The following SLCO1B3 variants were observed in gnomAD, a reference collection of about 807,000 sequenced individuals.
SLCO1B3 encodes liver-specific organic anion transporter 2.
Under a neutral mutation model 71.8 loss-of-function variants are expected in SLCO1B3, and 72 were observed. The observed-to-expected ratio is 1.00, with a 90% CI of 0.83 to 1.22. The LOEUF (loss-of-function observed/expected upper bound fraction) is 1.22, where lower values mean the gene tolerates loss of function less well. Among genes scored for constraint, SLCO1B3 ranks in the 50% most tolerant of loss-of-function variants. The pLI is 0.00. For synonymous variants in SLCO1B3, 298 were observed against 278.4 expected (o/e 1.07, Z -0.70); for missense variants, 911 against 819.7 (o/e 1.11, Z -1.36).
chr12:20,891,287 A>G (rs1439251092), intron 13 of SLCO1B3, among the ~76,000 whole-genome samples: 2 of 151,542 alleles, frequency 1.3e-5, no homozygotes, highest in Non-Finnish European at 2.9e-5. Flanking sequence ...GTCTTAGTTG[A>G]GCAGTATACA....
intron 11 of SLCO1B3, among the ~76,000 whole-genome samples, chr12:20,880,217 A>T (rs1865662933): frequency 6.6e-6 from 1 of 151,446 alleles, no homozygotes; most frequent in African/African-American, 2.4e-5. Context: ...TAATTATATT[A>T]TAAAGTAAAT....
At chr12:20,908,187 TTAAA>T (rs112836316) in intron 15 of SLCO1B3, among the ~76,000 whole-genome samples, 11,762 of 152,206 alleles carry the variant, frequency 0.077, 1,291 homozygotes, top group African/African-American at 0.24. Context: ...ACACTGAAAG[TTAAA>T]TAATTACCTT....
intron 1 of SLCO1B3, among the ~76,000 whole-genome samples, chr12:20,812,461 G>A (rs191195627): frequency 1.1e-4 from 16 of 152,222 alleles, no homozygotes; most frequent in South Asian, 8.3e-4. Flanking sequence ...ATTTGGAGCC[G>A]CATTACAGCC....
At chr12:20,909,172 T>C (rs1433247510) in intron 15 of SLCO1B3, among the ~76,000 whole-genome samples, 1 of 148,540 alleles carries the variant, frequency 6.7e-6, no homozygotes, top group Non-Finnish European at 1.5e-5. Flanking sequence ...TTTCTTTTTT[T>C]TTTTTTTTTT....
At chr12:20,811,656 G>A (rs1864112431) in intron 1 of SLCO1B3, among the ~76,000 whole-genome samples, 1 of 152,146 alleles carries the variant, frequency 6.6e-6, no homozygotes, top group African/African-American at 2.4e-5. Flanking sequence ...GTGAAGAACT[G>A]ACCTGTTCTG....
chr12:20,822,922 T>C lies in SLCO1B3; in HGVS notation c.84+7100T>C, dbSNP rs1449777656. On this transcript the variant is annotated intron_variant, in intron 3 of 15. Transcript: ENST00000381545. Reference sequence around the variant, plus strand: ...CCTGCCTTTTTCCTTTTAAAATCTTTTGAAGAAAGCATTTTAGAAGAAAAT... The same window carrying C: ...CCTGCCTTTTTCCTTTTAAAATCTTCTGAAGAAAGCATTTTAGAAGAAAAT... 2.6e-5 allele frequency among the ~76,000 whole-genome samples: 4 copies of C among 152,208 alleles called. No individual in the cohort carries two copies. In the East Asian group the frequency reaches 5.8e-4, roughly 22 times the overall value.
At chr12:20,856,721 G>A (rs542858960) in intron 4 of SLCO1B3, among the ~76,000 whole-genome samples, 3 of 152,178 alleles carry the variant, frequency 2.0e-5, no homozygotes, top group East Asian at 3.9e-4. Flanking sequence ...CACCACATCC[G>A]GCTAATTTTC....
intron 12 of SLCO1B3, among the ~76,000 whole-genome samples, chr12:20,882,820 C>T (rs1865718049): frequency 6.6e-6 from 1 of 152,196 alleles, no homozygotes; most frequent in Admixed American, 6.5e-5. Context: ...TAACCACATA[C>T]ACTGCCTGCC....
intron 8 of SLCO1B3, among the ~76,000 whole-genome samples, chr12:20,872,814 A>G (rs566447932): frequency 5.3e-5 from 8 of 152,138 alleles, no homozygotes; most frequent in South Asian, 4.2e-4. Flanking sequence ...TTTGCAATCT[A>G]TGCCTTAGAA....
chr12:20,834,273 A>T (rs963976066), intron 3 of SLCO1B3, among the ~76,000 whole-genome samples: 2 of 123,198 alleles, frequency 1.6e-5, no homozygotes, highest in South Asian at 6.3e-4. Context: ...CATAGTCTTC[A>T]TATACATGGA....
chr12:20,836,048 G>A (rs1072364), intron 3 of SLCO1B3, among the ~76,000 whole-genome samples: 111,826 of 152,086 alleles, frequency 0.74, 41,821 homozygotes, highest in South Asian at 0.84. Flanking sequence ...GCAGCAGGCA[G>A]AAGAGTGTGT....
At chr12:20,852,800 A>C (rs1414964916) in intron 3 of SLCO1B3, among the ~76,000 whole-genome samples, 2 of 152,104 alleles carry the variant, frequency 1.3e-5, no homozygotes, top group Admixed American at 6.5e-5. Flanking sequence ...AACTTTGCTA[A>C]ATGTGTTTAT....
At chr12:20,893,126 G>A (rs569054203) in intron 13 of SLCO1B3, among the ~76,000 whole-genome samples, 145 of 152,226 alleles carry the variant, frequency 9.5e-4, no homozygotes, top group Non-Finnish European at 1.7e-3. Context: ...TATATTAAAG[G>A]GAGTAAATTT....
At chr12:20,849,713 A>ACT (rs1487686178) in intron 3 of SLCO1B3, among the ~76,000 whole-genome samples, 1 of 57,890 alleles carries the variant, frequency 1.7e-5, no homozygotes, top group Non-Finnish European at 3.0e-5. Flanking sequence ...GTAGAAAATC[A>ACT]CACACACACA....
Position 20,858,563 on chromosome 12 carries a change from C to T in SLCO1B3, c.351C>T (p.Phe117=), listed in dbSNP as rs776144216. Residue 117 remains phenylalanine, a synonymous_variant, in exon 5 of 16, where the codon TTC becomes TTT. Transcript: ENST00000381545. ...TTTTGACATCTTTACCACATTTCTT[C>T]ATGGGATAGTAAGTGTTAAACAGCT... The part of the protein sequence containing the change: ...GSILTSLPHF[F]MGYYRYSKET... The T allele has an allele frequency of 9.3e-6, 15 of 1,606,174 alleles. No homozygotes were observed. The highest frequency in any genetic ancestry group is 2.7e-5 in the African/African-American group (2 of 74,786).
intron 3 of SLCO1B3, 79 bp from the exon 4 acceptor site, chr12:20,854,949 T>A: frequency 7.7e-7 from 1 of 1,306,556 alleles, no homozygotes; most frequent in Non-Finnish European, 1.1e-6. Context: ...GAAGAAAAAC[T>A]GTTTTAGTTC....
chr12:20,884,863 C>G (rs1865762558), intron 13 of SLCO1B3, among the ~76,000 whole-genome samples: 1 of 151,798 alleles, frequency 6.6e-6, no homozygotes, highest in South Asian at 2.1e-4. Flanking sequence ...GTTAAATTTT[C>G]ACCCTGCCTG....
At chr12:20,838,040 T>C (rs1864719315) in intron 3 of SLCO1B3, among the ~76,000 whole-genome samples, 1 of 152,102 alleles carries the variant, frequency 6.6e-6, no homozygotes, top group Non-Finnish European at 1.5e-5. Context: ...GAGTATTATA[T>C]CTTTTTTGAG....
intron 3 of SLCO1B3, among the ~76,000 whole-genome samples, chr12:20,848,075 G>C (rs1196157250): frequency 6.6e-6 from 1 of 152,032 alleles, no homozygotes; most frequent in Non-Finnish European, 1.5e-5. Context: ...AAACTATGGA[G>C]ACTAGTGAAT....
Sources: allele counts gnomAD v4.1 joint callset (sites outside exome capture counted in the v4.1 genomes callset), GRCh38; gene constraint gnomAD v4.1.1; transcripts MANE v1.5; gene names NCBI Gene and HGNC (gene_info 2026-07-23, HGNC 2026-07-21).